Variants in SSUH2 observed in about 807,000 individuals in gnomAD.
SSUH2 encodes protein SSUH2 homolog.
In SSUH2, 47 loss-of-function variants were observed where a neutral mutation model predicts 55.3. That is an observed-to-expected ratio of 0.85 (90% CI 0.67 to 1.08). The LOEUF (loss-of-function observed/expected upper bound fraction) is 1.08, where lower values mean the gene tolerates loss of function less well. Among genes scored for constraint, SSUH2 ranks in the 50% least tolerant of loss-of-function variants. The pLI, the probability that SSUH2 is intolerant of heterozygous loss-of-function variation, is 0.00. For synonymous variants in SSUH2, 212 were observed against 191.5 expected (o/e 1.11, Z -0.89); for missense variants, 535 against 490.7 (o/e 1.09, Z -0.85).
At chr3:8,648,853 TTTC>T (rs1321749590), upstream of SSUH2, among the ~76,000 whole-genome samples, 3 of 152,136 alleles carry the variant, frequency 2.0e-5, no homozygotes, top group Non-Finnish European at 4.4e-5. Context: ...ACTCATCAAC[TTTC>T]TTAAGAGACT....
intron 1 of SSUH2, among the ~76,000 whole-genome samples, chr3:8,644,500 A>G (rs1390877078): frequency 6.6e-6 from 1 of 152,176 alleles, no homozygotes; most frequent in African/African-American, 2.4e-5. Context: ...GGTAGGCTTT[A>G]CACACGAGAG....
chr3:8,647,263 T>C (rs369377427), upstream of SSUH2, among the ~76,000 whole-genome samples: 62 of 152,332 alleles, frequency 4.1e-4, 1 homozygote, highest in South Asian at 8.7e-3. Flanking sequence ...AGGACACCTG[T>C]CCTATCCATG....
At chr3:8,653,888 T>C (rs1702678795) in intron 7 of SSUH2, among the ~76,000 whole-genome samples, 1 of 152,132 alleles carries the variant, frequency 6.6e-6, no homozygotes, top group Non-Finnish European at 1.5e-5. Context: ...ACTCTCTACC[T>C]CCCGACCCTT....
intron 1 of SSUH2, among the ~76,000 whole-genome samples, chr3:8,680,694 G>T (rs1361472481): frequency 6.6e-6 from 1 of 151,946 alleles, no homozygotes; most frequent in African/African-American, 2.4e-5. Flanking sequence ...CATACATGAA[G>T]TCATATCACC....
At position 8,665,541 on chromosome 3, in the gene SSUH2, A is replaced by G. The variant is rs115586864; in HGVS notation, c.-454-1739T>C. Among the ~76,000 whole-genome samples, 285 of 152,330 alleles carry G rather than the reference A, an allele frequency of 1.9e-3. 1 individual carries two copies. The highest frequency in any genetic ancestry group is 6.4e-3 in the African/African-American group (267 of 41,564). ...TCTGACTCAGACTCAAGTCTTAGTT[A>G]AGAAAAAATAAGTAAATCTTGTTTT... On this transcript the variant is annotated intron_variant, in intron 5 of 18. Coordinates refer to the SSUH2 transcript ENST00000317371.
chr3:8,636,050 A>G (rs1183191286), intron 1 of SSUH2, among the ~76,000 whole-genome samples, 193 bp from the exon 2 acceptor site: 1 of 152,216 alleles, frequency 6.6e-6, no homozygotes, highest in African/African-American at 2.4e-5. Context: ...AATAGTGATG[A>G]GAAACATCAA....
intron 3 of SSUH2, among the ~76,000 whole-genome samples, chr3:8,672,725 G>C (rs1265682099): frequency 1.8e-5 from 2 of 114,218 alleles, no homozygotes; most frequent in Non-Finnish European, 3.5e-5. Flanking sequence ...CGGATATTAG[G>C]AACAATGTCA....
chr3:8,638,514 G>C (rs1365316433), intron 1 of SSUH2, among the ~76,000 whole-genome samples: 5 of 152,130 alleles, frequency 3.3e-5, no homozygotes, highest in East Asian at 3.9e-4. Flanking sequence ...AAACCCAAAG[G>C]CAGCATGGTT....
intron 11 of SSUH2, among the ~76,000 whole-genome samples, chr3:8,623,238 C>T (rs57159569): frequency 0.039 from 5,937 of 152,324 alleles, 262 homozygotes; most frequent in African/African-American, 0.12. Flanking sequence ...TTTTCTTCCC[C>T]TATCTGAACA....
rs1214178960 is a variant in SSUH2, at chr3:8,619,493, G to C, written c.*375C>G. ...ATTTCAGTAATACTCAGATCGTCAA[G>C]AGGCTCCCACTAGAAGAAGCACACC... On this transcript the variant is annotated 3_prime_UTR_variant, in exon 12 of 12. Coordinates refer to ENST00000544814, the MANE Select transcript of SSUH2 (RefSeq NM_001256748.3). 1 of 196,842 alleles carries C rather than the reference G, an allele frequency of 5.1e-6. No homozygotes were observed. The highest frequency in any genetic ancestry group is 1.0e-5 in the Non-Finnish European group (1 of 97,826). 12.2% of individuals were successfully genotyped at this position (196,842 alleles called of 1,614,324 possible).
intron 11 of SSUH2, chr3:8,623,319 T>TTTGC: frequency 1.9e-6 from 1 of 523,252 alleles, no homozygotes; most frequent in Non-Finnish European, 3.4e-6. Flanking sequence ...CTTCTGGGAA[T>TTTGC]AAAAATGCAA....
chr3:8,621,460 C>T (rs1021747716), intron 11 of SSUH2, among the ~76,000 whole-genome samples: 1 of 152,132 alleles, frequency 6.6e-6, no homozygotes, highest in African/African-American at 2.4e-5. Flanking sequence ...GAGATCTGGG[C>T]AGTGGGGGTG....
intron 8 of SSUH2, 121 bp downstream of exon 8, chr3:8,627,577 A>C: frequency 1.4e-6 from 1 of 707,234 alleles, no homozygotes. Flanking sequence ...TACTACGTGC[A>C]GAGCTCTGGG....
intron 7 of SSUH2, among the ~76,000 whole-genome samples, chr3:8,649,911 G>A (rs1461574496): frequency 1.3e-5 from 2 of 152,046 alleles, no homozygotes; most frequent in Non-Finnish European, 2.9e-5. Flanking sequence ...AGTCCTTGCC[G>A]TGCTCTGCGA....
chr3:8,627,717 C>A lies in SSUH2; in HGVS notation c.655G>T (p.Ala219Ser). The A allele has an allele frequency of 6.2e-7, 1 of 1,606,044 alleles. No homozygotes were observed. Among genetic ancestry groups the A allele is most frequent in the East Asian group, 2.3e-5 (1 of 43,964 alleles). The change falls in exon 8 of 12, where the codon GCG becomes TCG. Residue 219 changes from alanine to serine, a missense_variant. Physicochemically the swap from Ala to Ser is moderately conservative, Grantham distance 99 (BLOSUM62 1). Transcript: ENST00000544814. ...CCCTACCTTCGCCTGCCGGACCCCG[C>A]GCACAGCTGACATCTCCGGGACTGC... ...AKQSRRCQLC[A>S]GSGRRRCSTC...
chr3:8,623,408 C>T lies in SSUH2; in HGVS notation c.981+141G>A, dbSNP rs1220611301. On this transcript the variant is annotated intron_variant, in intron 11 of 11. Transcript: ENST00000544814. ...CCATGCCCTGGGGCCTTAGGTCAGGCCCTACCCCTTCCCACACTCCTCCCC... is the reference window on the plus strand; with the variant it reads ...CCATGCCCTGGGGCCTTAGGTCAGGTCCTACCCCTTCCCACACTCCTCCCC... 8 of 649,436 alleles carry T rather than the reference C, an allele frequency of 1.2e-5. No individual in the cohort carries two copies. The East Asian group carries it at 2.2e-4, about 18-fold the overall frequency. The allele number at this position is 649,436 out of a possible 1,614,324, so 40.2% of individuals were successfully genotyped here.
chr3:8,659,991 C>A (rs962748179), intron 6 of SSUH2, among the ~76,000 whole-genome samples: 2 of 152,200 alleles, frequency 1.3e-5, no homozygotes, highest in Admixed American at 1.3e-4. Context: ...TAACACATGT[C>A]CTCTAGGGTT....
intron 7 of SSUH2, among the ~76,000 whole-genome samples, chr3:8,655,794 G>C (rs1702879170): frequency 6.6e-6 from 1 of 152,138 alleles, no homozygotes; most frequent in Non-Finnish European, 1.5e-5. Flanking sequence ...TTCTGTTTTT[G>C]TCAGAAGAAT....
chr3:8,661,919 A>G (rs1559511315), intron 6 of SSUH2, among the ~76,000 whole-genome samples: 5 of 152,122 alleles, frequency 3.3e-5, no homozygotes, highest in Admixed American at 2.6e-4. Context: ...GTGGTAGTGG[A>G]TAAGTCTCAT....
Sources: allele counts gnomAD v4.1 joint callset (sites outside exome capture counted in the v4.1 genomes callset), GRCh38; gene constraint gnomAD v4.1.1; transcripts MANE v1.5; gene names NCBI Gene and HGNC (gene_info 2026-07-23, HGNC 2026-07-21).